FBN3: variants seen among roughly 807,000 people sequenced by gnomAD.
FBN3 encodes fibrillin 3, also known as fibrillin-3.
Under a neutral mutation model 330.1 loss-of-function variants are expected in FBN3, and 234 were observed. That is an observed-to-expected ratio of 0.71 (90% CI 0.64 to 0.79). FBN3 has a LOEUF of 0.79. FBN3 is among the 30% of genes least tolerant of loss of function. The pLI, the probability that FBN3 is intolerant of heterozygous loss-of-function variation, is 0.00. For missense variants in FBN3, 3,606 were observed against 3,886.9 expected (o/e 0.93, Z 1.92); for synonymous variants, 1,458 against 1,517.3 (o/e 0.96, Z 0.91).
chr19:8,131,848 C>T lies in FBN3; in HGVS notation c.1715-19G>A. ...TCAATGTCTGCAGAAGCAGTGGCGG[C>T]ACGGGGATGGGTTCCAGCGTGCTCC... On this transcript the variant is annotated intron_variant, in intron 14 of 63. Coordinates refer to ENST00000600128, the MANE Select transcript of FBN3 (RefSeq NM_032447.5). This position sits in a 1 kb window ranked among gnomAD's most constrained non-coding sequence, Gnocchi z 4.5. The T allele has an allele frequency of 6.4e-7, 1 of 1,561,970 alleles. No individual in the cohort carries two copies.
intron 8 of FBN3, among the ~76,000 whole-genome samples, chr19:8,141,396 G>A (rs911901923): frequency 2.7e-5 from 4 of 148,854 alleles, no homozygotes; most frequent in African/African-American, 9.9e-5. Context: ...GAGAGAGACA[G>A]ACAGCTGAAC....
At chr19:8,103,402 T>C (rs1472533454) in intron 39 of FBN3, among the ~76,000 whole-genome samples, 160 bp downstream of exon 39, 1 of 152,056 alleles carries the variant, frequency 6.6e-6, no homozygotes, top group African/African-American at 2.4e-5. Context: ...TCATGGCAGC[T>C]CTGGGCTCCT....
Position 8,129,838 on chromosome 19 carries a change from G to T in FBN3, c.2045-473C>A. ...TTTGGGAGGCTGAGGTGGGAGGATT[G>T]CTTGAGCCCAGGAGTTTGAGACCAG... On this transcript the variant is annotated intron_variant, in intron 16 of 63. Transcript: ENST00000600128. This position sits in a 1 kb window ranked among gnomAD's most constrained non-coding sequence, Gnocchi z 4.5. Among the ~76,000 whole-genome samples, 1 of 151,986 alleles carries T rather than the reference G, an allele frequency of 6.6e-6. No individual in the cohort carries two copies. The highest frequency in any genetic ancestry group is 6.5e-5 in the Admixed American group (1 of 15,274).
intron 56 of FBN3, 143 bp downstream of exon 56, chr19:8,085,220 G>GACACATAC: frequency 1.8e-6 from 1 of 544,648 alleles, no homozygotes; most frequent in Non-Finnish European, 3.2e-6. Flanking sequence ...CTAGCACAAA[G>GACACATAC]ACACACACAC....
In FBN3 at chr19:8,123,838, G is replaced by A. The variant is rs750843779; in HGVS notation, c.2902C>T (p.Arg968Trp). 23 of 1,613,052 alleles carry A rather than the reference G, an allele frequency of 1.4e-5. No homozygotes were observed. Among genetic ancestry groups the A allele is most frequent in the East Asian group, 4.5e-5 (2 of 44,890 alleles). ...TCCCGGCTGGCGAAGCCCAGCCCCC[G>A]CGGGCACAGGCTGGCGAACTCCAGA... Reference protein sequence around the residue: ...ESLEFASLCPRGLGFASRDFL... With the variant: ...ESLEFASLCPWGLGFASRDFL... Residue 968 changes from arginine (R) to tryptophan (W), a missense_variant, in exon 23 of 64, where the codon CGG becomes TGG. Arg to Trp is a moderately radical substitution (Grantham distance 101). Coordinates refer to ENST00000600128, the MANE Select transcript of FBN3 (RefSeq NM_032447.5).
chr19:8,100,025 A>G (rs969642217), intron 41 of FBN3, among the ~76,000 whole-genome samples: 5 of 151,424 alleles, frequency 3.3e-5, no homozygotes, highest in Non-Finnish European at 2.9e-5. Context: ...AAAAAAAAAA[A>G]GGGCATGGAG....
At chr19:8,117,017 G>T in intron 28 of FBN3, 152 bp downstream of exon 28, 1 of 1,300,954 alleles carries the variant, frequency 7.7e-7, no homozygotes, top group Non-Finnish European at 1.0e-6. Context: ...TGAGCAGCCT[G>T]CCTGGGGCCA....
At position 8,096,872 on chromosome 19, in the gene FBN3, C is replaced by T. The variant is rs201174567; in HGVS notation, c.5413+9G>A. ...AGCTCCCTCACCTCCTCCCAGGGAC[C>T]CTGCTCACCCACACAAGCCCCGCCT... On this transcript the variant is annotated intron_variant, in intron 43 of 63. Transcript: ENST00000600128. The surrounding 1 kb of genome is among the most constrained non-coding windows in gnomAD (Gnocchi z 4.6). 3.3e-4 allele frequency: 539 copies of T among 1,612,216 alleles called. No homozygotes were observed. In the Middle Eastern group the frequency reaches 0.013, roughly 40 times the overall value.
rs867950321 is a variant in FBN3, at chr19:8,088,058, A to G, written c.6496+2T>C. On this transcript the variant is annotated splice_donor_variant, in intron 52 of 63. Transcript: ENST00000600128. LOFTEE classifies it high-confidence loss of function. ...CCAGGTCCTGGGCAAGCAGAGTTGT[A>G]CCCTCGCAGGTCATCATGAGGCCAG... 6.2e-7 allele frequency: 1 copy of G among 1,613,972 alleles called. No individual in the cohort carries two copies. Among genetic ancestry groups the G allele is most frequent in the Admixed American group, 1.7e-5 (1 of 60,002 alleles).
chr19:8,111,864 T>C, intron 31 of FBN3, 94 bp from the exon 32 acceptor site: 3 of 1,517,464 alleles, frequency 2.0e-6, no homozygotes, highest in Non-Finnish European at 2.7e-6. Context: ...CAACCCTGAC[T>C]GCCCCCCTGC....
Position 8,116,727 on chromosome 19 carries a change from C to T in FBN3, c.3659G>A (p.Arg1220His), listed in dbSNP as rs780864045. The T allele has an allele frequency of 1.4e-4, 229 of 1,613,936 alleles. 1 individual carries two copies. Among genetic ancestry groups the T allele is most frequent in the Non-Finnish European group, 1.7e-4 (201 of 1,179,972 alleles). Residue 1220 changes from arginine (R) to histidine (H), a missense_variant, in exon 29 of 64, where the codon CGC becomes CAC. Coordinates refer to ENST00000600128, the MANE Select transcript of FBN3 (RefSeq NM_032447.5). ...GHCTNMPGGH[R>H]CLCYDGFMAT... ...CATGAAGCCATCATAGCACAGGCAG[C>T]GGTGACCCCCTGGCATGTTGGTGCA...
chr19:8,107,553 G>A (rs1358916945), intron 37 of FBN3, among the ~76,000 whole-genome samples: 1 of 149,734 alleles, frequency 6.7e-6, no homozygotes, highest in Non-Finnish European at 1.5e-5. Context: ...GGATGGTCGG[G>A]TGGAAGGATG....
Position 8,122,758 on chromosome 19 carries a change from G to A in FBN3, c.3082+706C>T, listed in dbSNP as rs534737561. Among the ~76,000 whole-genome samples the A allele has an allele frequency of 9.9e-5, 15 of 151,222 alleles. No individual in the cohort carries two copies. In the South Asian group the frequency reaches 3.1e-3, roughly 32 times the overall value. ...CAGCTCACTGCAAGCTCTGCATCCC[G>A]GGTTCACGCCATTCTCCTGCCTCAG... On this transcript the variant is annotated intron_variant, in intron 24 of 63. Transcript: ENST00000600128.
At chr19:8,099,114 A>G (rs1209373722) in intron 41 of FBN3, among the ~76,000 whole-genome samples, 3 of 152,034 alleles carry the variant, frequency 2.0e-5, no homozygotes, top group Non-Finnish European at 4.4e-5. Flanking sequence ...CCCAGAAACC[A>G]ATGTCATATA....
intron 19 of FBN3, 23 bp downstream of exon 19, chr19:8,126,690 C>T (rs749669100): frequency 1.4e-5 from 22 of 1,581,260 alleles, no homozygotes; most frequent in South Asian, 6.9e-5. Context: ...TCTGGAACGC[C>T]GTCGGGCTCC....
chr19:8,129,158 G>A lies in FBN3; in HGVS notation c.2171-5C>T. 1 of 1,612,476 alleles carries A rather than the reference G, an allele frequency of 6.2e-7. No individual in the cohort carries two copies. On this transcript the variant is annotated splice_polypyrimidine_tract_variant and splice_region_variant and intron_variant, in intron 17 of 63. Transcript: ENST00000600128. The surrounding 1 kb of genome is among the most constrained non-coding windows in gnomAD (Gnocchi z 4.5). ...TGAGGGCACACTCATCCACGTCTGT[G>A]GGGTGGGGGTGGGAGAGAGGGGTGA...
rs772353703 is a variant in FBN3 at position 8,131,740 on chromosome 19, GC to G, written c.1803del (p.Leu602TrpfsTer3). The G allele has an allele frequency of 6.2e-6, 10 of 1,613,298 alleles. No homozygotes were observed. Among genetic ancestry groups the G allele is most frequent in the African/African-American group, 1.3e-5 (1 of 74,928 alleles). On this transcript the variant is annotated frameshift_variant, in exon 15 of 64. Coordinates refer to ENST00000600128, the MANE Select transcript of FBN3 (RefSeq NM_032447.5). LOFTEE classifies it high-confidence loss of function. The surrounding 1 kb of genome is among the most constrained non-coding windows in gnomAD (Gnocchi z 4.5). Reference sequence around the variant, plus strand: ...ACGCGGCCATCCGTGCCTACCGCCAGCCCCCCCAGGCACTGGCAGCGGAAGG... The same window carrying G: ...ACGCGGCCATCCGTGCCTACCGCCAGCCCCCCAGGCACTGGCAGCGGAAGG... ...EGSFRCQCLG[G>X]LAVGTDGRVC...
rs562293962 is a variant in FBN3 at position 8,080,985 on chromosome 19, G to A, written c.7453+18C>T. ...GGGGTCATGGGTCACCTCCCGGTGA[G>A]GGGCAAGGGTCACTCACCGAAGCAG... On this transcript the variant is annotated intron_variant, in intron 59 of 63. Coordinates refer to ENST00000600128, the MANE Select transcript of FBN3 (RefSeq NM_032447.5). 6.4e-6 allele frequency: 10 copies of A among 1,568,564 alleles called. No homozygotes were observed. Among genetic ancestry groups the A allele is most frequent in the Admixed American group, 3.3e-5 (2 of 59,930 alleles).
At position 8,121,205 on chromosome 19, in the gene FBN3, A is replaced by C; in HGVS notation, c.3211+53T>G. On this transcript the variant is annotated intron_variant, in intron 25 of 63. Transcript: ENST00000600128. This position sits in a 1 kb window ranked among gnomAD's most constrained non-coding sequence, Gnocchi z 4.5. Reference sequence around the variant, plus strand: ...AGCCGTCCCCACCCTCCCTCTCCTCAATGCCCTCCCTGCCCAGGGCGCCCA... The same window carrying C: ...AGCCGTCCCCACCCTCCCTCTCCTCCATGCCCTCCCTGCCCAGGGCGCCCA... 1.3e-6 allele frequency: 2 copies of C among 1,506,350 alleles called. No homozygotes were observed. Among genetic ancestry groups the C allele is most frequent in the Admixed American group, 2.0e-5 (1 of 50,196 alleles). 93.3% of individuals were successfully genotyped at this position (1,506,350 alleles called of 1,614,324 possible).
Sources: allele counts gnomAD v4.1 joint callset (sites outside exome capture counted in the v4.1 genomes callset), GRCh38; gene constraint gnomAD v4.1.1; non-coding constraint Gnocchi (gnomAD v3.1); transcripts MANE v1.5; gene names NCBI Gene and HGNC (gene_info 2026-07-23, HGNC 2026-07-21).